Variants in CALD1 observed in about 807,000 individuals in gnomAD.
CALD1 encodes the protein caldesmon 1.
CALD1 carries 33 observed loss-of-function variants against 99.9 expected under a neutral mutation model. The observed-to-expected ratio is 0.33, with a 90% CI of 0.25 to 0.44. The LOEUF (loss-of-function observed/expected upper bound fraction) is 0.44, where lower values mean the gene tolerates loss of function less well. Among genes scored for constraint, CALD1 ranks in the 20% least tolerant of loss-of-function variants. CALD1 has a pLI of 1.00. For synonymous variants in CALD1, 310 were observed against 325.0 expected, an observed-to-expected ratio of 0.95 and a Z score of 0.50; for missense variants, 861 against 962.1, an observed-to-expected ratio of 0.89 and a Z score of 1.39.
chr7:134,726,867 A>G, the CALD1 span, among the ~76,000 whole-genome samples: 14 of 152,338 alleles, frequency 9.2e-5, no homozygotes, highest in African/African-American at 3.4e-4. Flanking sequence ...TAGTGAGGAT[A>G]ATGCTGGACG....
intron 3 of CALD1, among the ~76,000 whole-genome samples, chr7:134,912,920 T>C (rs2132716818): frequency 6.6e-6 from 1 of 152,224 alleles, no homozygotes; most frequent in Non-Finnish European, 1.5e-5. Context: ...GTACTGTGCT[T>C]CCACCTGTCA....
At chr7:134,734,643 G>A in the CALD1 span, among the ~76,000 whole-genome samples, 1 of 152,110 alleles carries the variant, frequency 6.6e-6, no homozygotes, top group Non-Finnish European at 1.5e-5. Context: ...TTCCCGAGCT[G>A]TTCTTGTGAT....
chr7:134,775,710 CAAA>C (rs56224432), upstream of CALD1, among the ~76,000 whole-genome samples: 9 of 135,960 alleles, frequency 6.6e-5, no homozygotes, highest in Non-Finnish European at 4.8e-5. Context: ...GACTCCGTCT[CAAA>C]AAAAAAAAAA....
At chr7:134,863,362 C>A (rs1800645572) in intron 2 of CALD1, among the ~76,000 whole-genome samples, 1 of 152,230 alleles carries the variant, frequency 6.6e-6, no homozygotes, top group South Asian at 2.1e-4. Context: ...GCCCCTGACA[C>A]AACAGATTTT....
At chr7:134,727,909 A>C in the CALD1 span, among the ~76,000 whole-genome samples, 2 of 152,200 alleles carry the variant, frequency 1.3e-5, no homozygotes, top group Admixed American at 1.3e-4. Flanking sequence ...GTTTTCTTTA[A>C]CTTTGCTAAT....
At chr7:134,830,488 A>G (rs965845286) in intron 1 of CALD1, among the ~76,000 whole-genome samples, 18 of 151,890 alleles carry the variant, frequency 1.2e-4, no homozygotes, top group Admixed American at 6.6e-4. Flanking sequence ...GGGGTTTGTT[A>G]TACAGATTAT....
chr7:134,850,961 A>G (rs1800053463), intron 2 of CALD1, among the ~76,000 whole-genome samples: 1 of 152,180 alleles, frequency 6.6e-6, no homozygotes, highest in Non-Finnish European at 1.5e-5. Flanking sequence ...GCTGCCATGT[A>G]AGACGTCCCT....
intron 13 of CALD1, 119 bp downstream of exon 13, chr7:134,960,747 G>C (rs1166753003): frequency 1.6e-5 from 10 of 636,282 alleles, no homozygotes; most frequent in Non-Finnish European, 2.8e-5. Context: ...TGCTTTCCCT[G>C]ATGAATAGCA....
intron 3 of CALD1, among the ~76,000 whole-genome samples, chr7:134,887,315 A>G (rs1448077614): frequency 6.6e-6 from 1 of 152,182 alleles, no homozygotes; most frequent in East Asian, 1.9e-4. Flanking sequence ...AGGCCAACAG[A>G]AAGGAGGAAA....
At chr7:134,891,383 T>A (rs900745482) in intron 3 of CALD1, 5 of 1,255,812 alleles carry the variant, frequency 4.0e-6, no homozygotes, top group Non-Finnish European at 4.0e-6. Context: ...AGCTCTCTGA[T>A]GATCCTGTGA....
intron 1 of CALD1, among the ~76,000 whole-genome samples, chr7:134,787,532 C>T (rs951205937): frequency 6.6e-6 from 1 of 152,180 alleles, no homozygotes; most frequent in Admixed American, 6.5e-5. Context: ...TCCACCTCCA[C>T]CCTCACCCCT....
In CALD1 at chr7:134,802,771, G is replaced by C. The variant is rs571319378; in HGVS notation, c.-130+23022G>C. On this transcript the variant is annotated intron_variant, in intron 1 of 14. Transcript: ENST00000361675. ...GAGAAAAGATCAAAATCTGAAATTT[G>C]AAGTACACTGAAATTGCAACAGTTC... 1.6e-3 allele frequency among the ~76,000 whole-genome samples: 239 copies of C among 152,308 alleles called. 1 individual carries two copies. Among genetic ancestry groups the C allele is most frequent in the African/African-American group, 5.4e-3 (225 of 41,564 alleles).
chr7:134,906,744 C>A (rs1002790034), intron 3 of CALD1, among the ~76,000 whole-genome samples: 2 of 152,296 alleles, frequency 1.3e-5, no homozygotes, highest in African/African-American at 2.4e-5. Context: ...GTATTCCTCA[C>A]TAGCAGCATA....
chr7:134,869,633 C>G (rs1258084796), intron 3 of CALD1, among the ~76,000 whole-genome samples: 1 of 152,142 alleles, frequency 6.6e-6, no homozygotes, highest in African/African-American at 2.4e-5. Flanking sequence ...TGGAGGATTT[C>G]CTTCTTGAAT....
At chr7:134,815,264 CA>C (rs538291498) in intron 1 of CALD1, among the ~76,000 whole-genome samples, 7 of 152,136 alleles carry the variant, frequency 4.6e-5, no homozygotes, top group Non-Finnish European at 1.0e-4. Context: ...GTCTGAGAAG[CA>C]ACTATCAAAT....
intron 9 of CALD1, among the ~76,000 whole-genome samples, chr7:134,956,923 T>G (rs1807817500): frequency 1.3e-5 from 2 of 152,168 alleles, no homozygotes; most frequent in African/African-American, 4.8e-5. Flanking sequence ...ACATCTAAAT[T>G]TAAGTGTTAC....
At position 134,928,717 on chromosome 7, in the gene CALD1, G is replaced by A. The variant is rs559224071; in HGVS notation, c.72-37G>A. ...AGAGGTTGGTGAAGACACGTGGCAA[G>A]TGGCACGCTCAAGAGGTTGTCTTTG... On this transcript the variant is annotated intron_variant, in intron 3 of 14. Transcript: ENST00000361675. The A allele has an allele frequency of 3.8e-6, 6 of 1,599,554 alleles. No individual in the cohort carries two copies. The Admixed American group carries it at 8.5e-5, about 23-fold the overall frequency.
chr7:134,849,948 G>C (rs1452054769), intron 2 of CALD1, among the ~76,000 whole-genome samples: 1 of 152,176 alleles, frequency 6.6e-6, no homozygotes, highest in South Asian at 2.1e-4. Flanking sequence ...AACTGACACA[G>C]ATATACTGAG....
In CALD1 at chr7:134,969,332, G is replaced by T. The variant is rs1271567530; in HGVS notation, c.*987G>T. 4 of 152,286 alleles carry T rather than the reference G, an allele frequency of 2.6e-5. No homozygotes were observed. The highest frequency in any genetic ancestry group is 5.9e-5 in the Non-Finnish European group (4 of 68,014). 9.4% of individuals were successfully genotyped at this position (152,286 alleles called of 1,614,324 possible). A position where few individuals can be genotyped will look rare whatever the true frequency, so the allele number is the denominator to read the frequency against. ...CATAGTATTTAGTTTATAATTAAATGCATTCTTGAAGTCCAGTGTGAATTT... is the reference window on the plus strand; with the variant it reads ...CATAGTATTTAGTTTATAATTAAATTCATTCTTGAAGTCCAGTGTGAATTT... On this transcript the variant is annotated 3_prime_UTR_variant, in exon 15 of 15. Coordinates refer to ENST00000361675, the MANE Select transcript of CALD1 (RefSeq NM_033138.4).
Sources: allele counts gnomAD v4.1 joint callset (sites outside exome capture counted in the v4.1 genomes callset), GRCh38; gene constraint gnomAD v4.1.1; transcripts MANE v1.5; gene names NCBI Gene and HGNC (gene_info 2026-07-23, HGNC 2026-07-21).